HPCAL1: variants seen among roughly 807,000 people sequenced by gnomAD.
The protein encoded by HPCAL1 is hippocalcin-like protein 1.
Under a neutral mutation model 17.1 loss-of-function variants are expected in HPCAL1, and 8 were observed. The observed-to-expected ratio is 0.47, with a 90% CI of 0.27 to 0.84. HPCAL1 has a LOEUF of 0.84. Among genes scored for constraint, HPCAL1 ranks in the 40% least tolerant of loss-of-function variants. The pLI, the probability that HPCAL1 is intolerant of heterozygous loss-of-function variation, is 0.13. For synonymous variants in HPCAL1, 112 were observed against 111.4 expected (o/e 1.01, Z -0.03); for missense variants, 165 against 271.1 (o/e 0.61, Z 2.75).
intron 1 of HPCAL1, among the ~76,000 whole-genome samples, chr2:10,317,853 G>A (rs1663417688): frequency 6.6e-6 from 1 of 152,244 alleles, no homozygotes. Context: ...AAGCCCACAA[G>A]GGGGCCCTGG....
intron 1 of HPCAL1, among the ~76,000 whole-genome samples, chr2:10,355,450 CAAAAAAAAAAAAA>C (rs34600690): frequency 2.5e-3 from 82 of 32,206 alleles, no homozygotes; most frequent in Admixed American, 6.0e-3. Flanking sequence ...GACTCCGTCT[CAAAAAAAAAAAAA>C]AAAAAAAAAA....
intron 2 of HPCAL1, among the ~76,000 whole-genome samples, chr2:10,399,868 T>C (rs987154818): frequency 2.6e-5 from 4 of 152,192 alleles, no homozygotes; most frequent in Non-Finnish European, 4.4e-5. Flanking sequence ...GGTGGGTTCA[T>C]GGAGCACGTA....
Position 10,342,669 on chromosome 2 carries a change from C to G in HPCAL1, c.-111+39492C>G, listed in dbSNP as rs1169089883. Reference sequence around the variant, plus strand: ...GAACCCCGTGTGTTTGCACTGTGCTCTGAGCTCCCTCTCATGACTCTCATT... The same window carrying G: ...GAACCCCGTGTGTTTGCACTGTGCTGTGAGCTCCCTCTCATGACTCTCATT... On this transcript the variant is annotated intron_variant, in intron 1 of 4. Coordinates refer to ENST00000307845, the MANE Select transcript of HPCAL1 (RefSeq NM_002149.4). The surrounding 1 kb of genome is among the most constrained non-coding windows in gnomAD (Gnocchi z 4.1). Among the ~76,000 whole-genome samples the G allele has an allele frequency of 6.6e-6, 1 of 152,196 alleles. No homozygotes were observed. Among genetic ancestry groups the G allele is most frequent in the Non-Finnish European group, 1.5e-5 (1 of 68,030 alleles).
At chr2:10,352,256 C>G (rs763361366) in intron 1 of HPCAL1, among the ~76,000 whole-genome samples, 17 of 152,108 alleles carry the variant, frequency 1.1e-4, no homozygotes, top group Non-Finnish European at 2.4e-4. Context: ...ATATACCTCC[C>G]ACTCACCTTC....
rs764174868 is a variant in HPCAL1, at chr2:10,423,046, C to T, written c.442C>T (p.Arg148Cys). 5 of 1,613,514 alleles carry T rather than the reference C, an allele frequency of 3.1e-6. No individual in the cohort carries two copies. The highest frequency in any genetic ancestry group is 2.2e-5 in the East Asian group (1 of 44,878). The change falls in exon 4 of 5, where the codon CGC becomes TGC. Residue 148 changes from arginine (R) to cysteine (C), a missense_variant. Coordinates refer to ENST00000307845, the MANE Select transcript of HPCAL1 (RefSeq NM_002149.4). ...GGAGGATGAGTCCACCCCGGAGAAG[C>T]GCACAGACAAGATCTTCAGGCAGAT... ...MPEDESTPEK[R>C]TDKIFRQMDT...
At chr2:10,346,477 C>T (rs1665458626) in intron 1 of HPCAL1, among the ~76,000 whole-genome samples, 1 of 152,148 alleles carries the variant, frequency 6.6e-6, no homozygotes, top group South Asian at 2.1e-4. Context: ...CTTTTTTCCT[C>T]TTTCAATTGG....
chr2:10,424,294 C>G (rs983711286), intron 4 of HPCAL1: 4 of 348,548 alleles, frequency 1.1e-5, no homozygotes, highest in Admixed American at 3.7e-5. Context: ...CACACACACA[C>G]AGAAAACAAG....
At chr2:10,410,441 T>TTTC (rs1670286351) in intron 2 of HPCAL1, among the ~76,000 whole-genome samples, 1 of 139,796 alleles carries the variant, frequency 7.2e-6, no homozygotes, top group Non-Finnish European at 1.5e-5. Flanking sequence ...TTCTTCTTTT[T>TTTC]TTTTTTTTTT....
Position 10,426,553 on chromosome 2 carries a change from T to G in HPCAL1, c.485-171T>G, listed in dbSNP as rs1671418712. ...GGAGCAGGGAAAGGAAAAAGGATTT[T>G]TTTTCAGAAATGCCTGTAAAGTGAA... On this transcript the variant is annotated intron_variant, in intron 4 of 4. Transcript: ENST00000307845. 9 of 635,664 alleles carry G rather than the reference T, an allele frequency of 1.4e-5. No homozygotes were observed. In the South Asian group the frequency reaches 1.5e-4, roughly 11 times the overall value. The allele number at this position is 635,664 out of a possible 1,614,324, so 39.4% of individuals were successfully genotyped here. A position where few individuals can be genotyped will look rare whatever the true frequency, so the allele number is the denominator to read the frequency against.
chr2:10,419,077 G>C lies in HPCAL1; in HGVS notation c.-24-657G>C, dbSNP rs1670865649. Among the ~76,000 whole-genome samples, 1 of 152,108 alleles carries C rather than the reference G, an allele frequency of 6.6e-6. No individual in the cohort carries two copies. Among genetic ancestry groups the C allele is most frequent in the Non-Finnish European group, 1.5e-5 (1 of 68,022 alleles). Reference sequence around the variant, plus strand: ...ATACAAAAAATTAGCTGGGCGCGGTGGTGCATGCCTGTAATCCCAGCTACT... The same window carrying C: ...ATACAAAAAATTAGCTGGGCGCGGTCGTGCATGCCTGTAATCCCAGCTACT... On this transcript the variant is annotated intron_variant, in intron 2 of 4. Coordinates refer to ENST00000307845, the MANE Select transcript of HPCAL1 (RefSeq NM_002149.4). The surrounding 1 kb of genome is among the most constrained non-coding windows in gnomAD (Gnocchi z 5.0).
chr2:10,385,097 CAA>C (rs34671924), intron 1 of HPCAL1, among the ~76,000 whole-genome samples: 12,570 of 140,712 alleles, frequency 0.089, 621 homozygotes, highest in Middle Eastern at 0.22. Context: ...GACTCCGTCT[CAA>C]AAAAAAAAAA....
chr2:10,392,938 G>A (rs1363383668), intron 1 of HPCAL1, among the ~76,000 whole-genome samples: 1 of 152,158 alleles, frequency 6.6e-6, no homozygotes, highest in Non-Finnish European at 1.5e-5. Flanking sequence ...TCCCCTTCTG[G>A]GGCTTTCATC....
rs1558504926 is a variant in HPCAL1 at position 10,384,024 on chromosome 2, CACACCCA to C, written c.-110-12810_-110-12804del. Among the ~76,000 whole-genome samples the C allele has an allele frequency of 2.4e-5, 2 of 84,092 alleles. No homozygotes were observed. Among genetic ancestry groups the C allele is most frequent in the Admixed American group, 2.7e-4 (2 of 7,482 alleles). The allele number at this position is 84,092 out of a possible 152,430, so 55.2% of individuals were successfully genotyped here. A position where few individuals can be genotyped will look rare whatever the true frequency, so the allele number is the denominator to read the frequency against. On this transcript the variant is annotated intron_variant, in intron 1 of 4. Transcript: ENST00000307845. The surrounding 1 kb of genome is among the most constrained non-coding windows in gnomAD (Gnocchi z 4.4). ...CATGCATATACATCGCGTACACACACACACCCACACACACACACACCTTTTGCTGGTG... is the reference window on the plus strand; with the variant it reads ...CATGCATATACATCGCGTACACACACCACACACACACACCTTTTGCTGGTG...
chr2:10,399,573 A>G lies in HPCAL1; in HGVS notation c.-25+2653A>G, dbSNP rs867604509. Among the ~76,000 whole-genome samples, 308 of 35,898 alleles carry G rather than the reference A, an allele frequency of 8.6e-3. 17 individuals are homozygous for G. Among genetic ancestry groups the G allele is most frequent in the South Asian group, 0.06 (46 of 762 alleles). The allele number at this position is 35,898 out of a possible 152,430, so 23.6% of individuals were successfully genotyped here. A position where few individuals can be genotyped will look rare whatever the true frequency, so the allele number is the denominator to read the frequency against. ...CGCCACCACTACCGCCACCGCCACC[A>G]CCACCGCCACCGCCACCGCCACCAC... On this transcript the variant is annotated intron_variant, in intron 2 of 4. Coordinates refer to ENST00000307845, the MANE Select transcript of HPCAL1 (RefSeq NM_002149.4).
In HPCAL1 at chr2:10,340,013, A is replaced by G. The variant is rs115379601; in HGVS notation, c.-111+36836A>G. Among the ~76,000 whole-genome samples, 1,161 of 152,216 alleles carry G rather than the reference A, an allele frequency of 7.6e-3. 18 individuals carry two copies. The highest frequency in any genetic ancestry group is 0.026 in the African/African-American group (1,077 of 41,522). On this transcript the variant is annotated intron_variant, in intron 1 of 4. Transcript: ENST00000307845. ...TCATGACATTGGGATGAGTTCTTTC[A>G]CTTGGTTTTGTTGATCTGGTAAAAT...
chr2:10,366,748 T>C (rs970544216), intron 1 of HPCAL1, among the ~76,000 whole-genome samples: 2 of 152,170 alleles, frequency 1.3e-5, no homozygotes, highest in African/African-American at 4.8e-5. Flanking sequence ...CTGCATTGTG[T>C]GCTTCCACTC....
intron 1 of HPCAL1, among the ~76,000 whole-genome samples, chr2:10,324,699 G>T (rs1350299351): frequency 6.7e-6 from 1 of 150,112 alleles, no homozygotes; most frequent in East Asian, 1.9e-4. Context: ...GGTCCTCTTG[G>T]CTAGTGGCTA....
chr2:10,398,684 C>A (rs1385778478), intron 2 of HPCAL1, among the ~76,000 whole-genome samples: 1 of 152,066 alleles, frequency 6.6e-6, no homozygotes, highest in Non-Finnish European at 1.5e-5. Context: ...CCGTCCCCTG[C>A]CCCGCCCTTA....
At chr2:10,370,112 C>T (rs1351070386) in intron 1 of HPCAL1, among the ~76,000 whole-genome samples, 1 of 152,198 alleles carries the variant, frequency 6.6e-6, no homozygotes, top group Non-Finnish European at 1.5e-5. Flanking sequence ...TTGTATGGGC[C>T]CATTGGGCAT....
Sources: gnomAD v4.1 joint callset for allele counts (sites outside exome capture counted in the v4.1 genomes callset) on GRCh38, gnomAD v4.1.1 for gene constraint, Gnocchi (gnomAD v3.1) non-coding constraint, MANE v1.5 for transcripts, NCBI Gene and HGNC (gene_info 2026-07-23, HGNC 2026-07-21) for gene names.